The following KIF26B variants were observed in gnomAD, a reference collection of about 807,000 sequenced individuals.
KIF26B encodes kinesin family member 26B, also known as kinesin-like protein KIF26B.
KIF26B carries 63 observed loss-of-function variants against 151.2 expected under a neutral mutation model. That is an observed-to-expected ratio of 0.42 (90% confidence interval 0.34 to 0.51). The LOEUF (loss-of-function observed/expected upper bound fraction) is 0.51. KIF26B is among the 20% of genes least tolerant of loss of function. The probability of loss-of-function intolerance (pLI) is 0.07; values close to 1 mark genes in which losing one functional copy is unlikely to be tolerated. For synonymous variants in KIF26B, 1,357 were observed against 1,262.1 expected (o/e 1.08, Z -1.59); for missense variants, 2,813 against 2,913.6 (o/e 0.97, Z 0.79).
chr1:245,296,849 T>G (rs1671345962), intron 2 of KIF26B, among the ~76,000 whole-genome samples: 2 of 152,172 alleles, frequency 1.3e-5, no homozygotes, highest in South Asian at 4.1e-4. Flanking sequence ...CATTTTGTAG[T>G]TTTTCCACAC....
At chr1:245,175,711 T>G (rs1668791119) in intron 2 of KIF26B, among the ~76,000 whole-genome samples, 1 of 152,138 alleles carries the variant, frequency 6.6e-6, no homozygotes, top group Non-Finnish European at 1.5e-5. Flanking sequence ...ATAATTCAAG[T>G]CATATGATCT....
intron 2 of KIF26B, among the ~76,000 whole-genome samples, chr1:245,257,764 G>A (rs149964127): frequency 0.013 from 1,996 of 152,256 alleles, 37 homozygotes; most frequent in African/African-American, 0.035. Context: ...GCTCATACCC[G>A]TAATCCCAGC....
At chr1:245,423,845 A>C (rs949370384) in intron 4 of KIF26B, among the ~76,000 whole-genome samples, 1 of 152,024 alleles carries the variant, frequency 6.6e-6, no homozygotes, top group Admixed American at 6.6e-5. Context: ...TTTATTTTAA[A>C]ATCTTTTTTT....
intron 2 of KIF26B, among the ~76,000 whole-genome samples, chr1:245,252,462 T>G (rs1366666328): frequency 6.6e-6 from 1 of 152,134 alleles, no homozygotes; most frequent in Non-Finnish European, 1.5e-5. Flanking sequence ...TTACTGTGAA[T>G]GGATTGTTCT....
chr1:245,668,717 G>A lies in KIF26B; in HGVS notation c.2259-15516G>A, dbSNP rs9660362. Among the ~76,000 whole-genome samples, 10 of 148,432 alleles carry A rather than the reference G, an allele frequency of 6.7e-5. No homozygotes were observed. In the East Asian group the frequency reaches 1.7e-3, roughly 26 times the overall value. On this transcript the variant is annotated intron_variant, in intron 10 of 14. Transcript: ENST00000407071. The stretch of plus-strand genomic sequence containing the variant: ...TTTTCTTTTCTTTTTTTGAGACAGC[G>A]TCTTGCTCTGTCACCAGGCTGGAGT...
At chr1:245,337,168 TTATTTATC>T (rs2084376892) in intron 2 of KIF26B, among the ~76,000 whole-genome samples, 1 of 132,902 alleles carries the variant, frequency 7.5e-6, no homozygotes, top group East Asian at 2.1e-4. Context: ...ATTTATTTAT[TTATTTATC>T]TATTTATTTA....
chr1:245,434,620 AG>A (rs1658859621), intron 4 of KIF26B, among the ~76,000 whole-genome samples: 1 of 151,974 alleles, frequency 6.6e-6, no homozygotes, highest in Non-Finnish European at 1.5e-5. Flanking sequence ...TGGCTGTGGG[AG>A]CCCCCTGCAC....
At chr1:245,681,744 C>T (rs2044442458) in intron 10 of KIF26B, among the ~76,000 whole-genome samples, 1 of 152,164 alleles carries the variant, frequency 6.6e-6, no homozygotes, top group African/African-American at 2.4e-5. Context: ...AAGAAATGTA[C>T]AATCATGTTA....
At chr1:245,363,195 T>TTC (rs144900506) in intron 2 of KIF26B, among the ~76,000 whole-genome samples, 2 of 151,814 alleles carry the variant, frequency 1.3e-5, no homozygotes, top group Non-Finnish European at 2.9e-5. Flanking sequence ...AAGACTTCTT[T>TTC]TCTCTCTCTC....
chr1:245,246,098 G>GAAA (rs199908845), intron 2 of KIF26B, among the ~76,000 whole-genome samples: 1 of 32,226 alleles, frequency 3.1e-5, no homozygotes. Flanking sequence ...TCTCAAAAAA[G>GAAA]AAAAAAAAAA....
intron 5 of KIF26B, among the ~76,000 whole-genome samples, chr1:245,571,973 G>A (rs2103123434): frequency 6.6e-6 from 1 of 152,340 alleles, no homozygotes; most frequent in East Asian, 1.9e-4. Context: ...TGCCTTGATT[G>A]AGACAAGATG....
At chr1:245,464,649 G>A (rs1026102355) in intron 4 of KIF26B, among the ~76,000 whole-genome samples, 2 of 139,562 alleles carry the variant, frequency 1.4e-5, no homozygotes, top group African/African-American at 2.7e-5. Context: ...CGTGTGTGTG[G>A]GTGTGCGTGT....
rs554101045 is a variant in KIF26B, at chr1:245,435,631, G to A, written c.1166+15886G>A. ...TCATAGTCATTAAGGCGTCTGCTGTGGAAAGTTTGTCAGTTTCCTCCTGTT... is the reference window on the plus strand; with the variant it reads ...TCATAGTCATTAAGGCGTCTGCTGTAGAAAGTTTGTCAGTTTCCTCCTGTT... On this transcript the variant is annotated intron_variant, in intron 4 of 14. Transcript: ENST00000407071. 3.9e-5 allele frequency among the ~76,000 whole-genome samples: 6 copies of A among 152,302 alleles called. No homozygotes were observed. The South Asian group carries it at 1.0e-3, about 26-fold the overall frequency.
intron 3 of KIF26B, among the ~76,000 whole-genome samples, chr1:245,400,671 GAA>G (rs976508154): frequency 2.5e-4 from 38 of 152,220 alleles, no homozygotes; most frequent in African/African-American, 8.9e-4. Context: ...ACATTAAAAA[GAA>G]TGTAAAATAT....
chr1:245,472,356 A>C (rs1375513453), intron 4 of KIF26B, among the ~76,000 whole-genome samples: 4 of 152,140 alleles, frequency 2.6e-5, no homozygotes, highest in Non-Finnish European at 4.4e-5. Flanking sequence ...TGGCTTTTAG[A>C]ACTTTATTAC....
At chr1:245,339,747 A>G (rs1192771318) in intron 2 of KIF26B, among the ~76,000 whole-genome samples, 1 of 152,244 alleles carries the variant, frequency 6.6e-6, no homozygotes, top group Admixed American at 6.5e-5. Flanking sequence ...TGTGACCCAT[A>G]TCAAAGTAGC....
chr1:245,183,360 G>GT lies in KIF26B; in HGVS notation c.465+26679dup, dbSNP rs1471044948. 5.3e-5 allele frequency among the ~76,000 whole-genome samples: 8 copies of GT among 152,166 alleles called. No individual in the cohort carries two copies. The East Asian group carries it at 1.5e-3, about 29-fold the overall frequency. On this transcript the variant is annotated intron_variant, in intron 2 of 14. Transcript: ENST00000407071. ...TTTTATTGCTTTTGGTATCTAAGAA[G>GT]TTGTCTAATCCAAGATCATGAAGAT...
chr1:245,164,948 C>CT (rs1668591165), intron 2 of KIF26B, among the ~76,000 whole-genome samples: 1 of 152,082 alleles, frequency 6.6e-6, no homozygotes, highest in Non-Finnish European at 1.5e-5. Context: ...TGGCCCACAC[C>CT]TGTAATCTCA....
chr1:245,304,643 A>G (rs1053778144), intron 2 of KIF26B, among the ~76,000 whole-genome samples: 14 of 152,006 alleles, frequency 9.2e-5, no homozygotes, highest in African/African-American at 2.7e-4. Flanking sequence ...TTATCTGTCT[A>G]TCTATCCATC....
Sources: gnomAD v4.1 joint callset for allele counts (sites outside exome capture counted in the v4.1 genomes callset) on GRCh38, gnomAD v4.1.1 for gene constraint, MANE v1.5 for transcripts, NCBI Gene and HGNC (gene_info 2026-07-23, HGNC 2026-07-21) for gene names.